The following HIVEP3 variants were observed in gnomAD, a reference collection of about 807,000 sequenced individuals.
HIVEP3 encodes transcription factor HIVEP3.
HIVEP3 carries 49 observed loss-of-function variants against 152.8 expected under a neutral mutation model. The observed-to-expected ratio is 0.32, with a 90% CI of 0.26 to 0.41. HIVEP3 has a LOEUF of 0.41. HIVEP3 is among the 10% of genes least tolerant of loss of function. HIVEP3 has a pLI of 1.00. For synonymous variants in HIVEP3, 1,269 were observed against 1,289.0 expected, an observed-to-expected ratio of 0.98 and a Z score of 0.33; for missense variants, 2,790 against 3,103.3, an observed-to-expected ratio of 0.90 and a Z score of 2.40.
At chr1:41,775,976 C>T (rs1186632179) in intron 1 of HIVEP3, among the ~76,000 whole-genome samples, 1 of 152,230 alleles carries the variant, frequency 6.6e-6, no homozygotes, top group African/African-American at 2.4e-5. Context: ...TGTGCCTCCA[C>T]ATCCATTTTT....
At chr1:41,887,356 A>G (rs556570890) in intron 1 of HIVEP3, among the ~76,000 whole-genome samples, 12 of 152,264 alleles carry the variant, frequency 7.9e-5, no homozygotes, top group Non-Finnish European at 1.3e-4. Context: ...CATGGTACCT[A>G]ATTTTGTATT....
chr1:41,686,490 G>A (rs1043438357), intron 2 of HIVEP3, among the ~76,000 whole-genome samples: 6 of 152,292 alleles, frequency 3.9e-5, no homozygotes, highest in African/African-American at 7.2e-5. Flanking sequence ...CAAAAGCCCC[G>A]TACAGTTGTC....
At chr1:41,740,924 G>T (rs931041332) in intron 1 of HIVEP3, among the ~76,000 whole-genome samples, 1 of 152,162 alleles carries the variant, frequency 6.6e-6, no homozygotes, top group Non-Finnish European at 1.5e-5. Context: ...CAGGGGGTGG[G>T]GGCTCAGTTT....
At chr1:41,634,451 G>A (rs1017420808) in intron 2 of HIVEP3, among the ~76,000 whole-genome samples, 1 of 151,794 alleles carries the variant, frequency 6.6e-6, no homozygotes, top group African/African-American at 2.4e-5. Context: ...AGCCAAGAGT[G>A]GGAAAAGAAA....
chr1:41,511,816 G>T lies in HIVEP3; in HGVS notation c.6406-550C>A, dbSNP rs986834786. On this transcript the variant is annotated intron_variant, in intron 8 of 8. Transcript: ENST00000372583. This position sits in a 1 kb window ranked among gnomAD's most constrained non-coding sequence, Gnocchi z 4.9. ...GGGACAGAGAAGGTGTCGGAAGGGG[G>T]TCAGCTGACAATGATGGTGCTATCG... is the stretch of plus-strand genomic sequence containing the variant. Among the ~76,000 whole-genome samples, 3 of 152,166 alleles carry T rather than the reference G, an allele frequency of 2.0e-5. No homozygotes were observed. Among genetic ancestry groups the T allele is most frequent in the Non-Finnish European group, 2.9e-5 (2 of 68,044 alleles).
At chr1:41,554,004 G>A (rs552609996) in intron 5 of HIVEP3, among the ~76,000 whole-genome samples, 180 of 152,236 alleles carry the variant, frequency 1.2e-3, no homozygotes, top group African/African-American at 4.1e-3. Flanking sequence ...GAGTATCTTT[G>A]TGGTGTTCTC....
chr1:41,537,275 GAT>G (rs564667794), intron 5 of HIVEP3, among the ~76,000 whole-genome samples: 1,616 of 152,270 alleles, frequency 0.011, 8 homozygotes, highest in South Asian at 0.027. Context: ...TCCAAGTCTG[GAT>G]ATTTTAAAGG....
chr1:41,731,316 CT>C (rs1353993603), intron 1 of HIVEP3, among the ~76,000 whole-genome samples: 1 of 152,138 alleles, frequency 6.6e-6, no homozygotes, highest in African/African-American at 2.4e-5. Context: ...GGCAGACCCC[CT>C]GAATCCACCC....
chr1:41,636,443 TG>T (rs1238921901), intron 2 of HIVEP3, among the ~76,000 whole-genome samples: 4 of 152,190 alleles, frequency 2.6e-5, no homozygotes, highest in African/African-American at 9.7e-5. Flanking sequence ...GTGCTCTTAA[TG>T]GAAAAGATTA....
intron 1 of HIVEP3, among the ~76,000 whole-genome samples, chr1:41,888,030 A>G (rs1644373707): frequency 6.7e-6 from 1 of 148,340 alleles, no homozygotes; most frequent in African/African-American, 2.5e-5. Context: ...TGTTAAGCCC[A>G]GCTGAACTTT....
At chr1:41,733,346 C>G (rs539695194) in intron 1 of HIVEP3, among the ~76,000 whole-genome samples, 1 of 152,350 alleles carries the variant, frequency 6.6e-6, no homozygotes, top group African/African-American at 2.4e-5. Context: ...GTGGTAATTA[C>G]TGTGAAAAGC....
chr1:42,004,860 T>A (rs928005653), intron 1 of HIVEP3, among the ~76,000 whole-genome samples: 1 of 152,230 alleles, frequency 6.6e-6, no homozygotes, highest in East Asian at 1.9e-4. Flanking sequence ...CATTGTGATC[T>A]TGATGACTGC....
chr1:41,628,893 C>G lies in HIVEP3; in HGVS notation c.-666G>C. 8.1e-7 allele frequency: 1 copy of G among 1,231,878 alleles called. No homozygotes were observed. Among genetic ancestry groups the G allele is most frequent in the Non-Finnish European group, 1.0e-6 (1 of 987,904 alleles). The allele number at this position is 1,231,878 out of a possible 1,614,324, so 76.3% of individuals were successfully genotyped here. On this transcript the variant is annotated 5_prime_UTR_variant, in exon 3 of 9. Transcript: ENST00000372583. ...AGGGGCGGGCTTGCTTGGCCAGGACCCCGCGAGGCTCCTCCATGAACTAGG... is the reference window on the plus strand; with the variant it reads ...AGGGGCGGGCTTGCTTGGCCAGGACGCCGCGAGGCTCCTCCATGAACTAGG...
intron 1 of HIVEP3, among the ~76,000 whole-genome samples, chr1:41,956,058 C>T (rs16828927): frequency 0.011 from 1,643 of 152,322 alleles, 31 homozygotes; most frequent in African/African-American, 0.038. Flanking sequence ...GGCTGAATTC[C>T]CCAGGGAGTC....
chr1:41,953,771 G>A (rs1427768172), intron 1 of HIVEP3, among the ~76,000 whole-genome samples: 1 of 152,216 alleles, frequency 6.6e-6, no homozygotes, highest in Non-Finnish European at 1.5e-5. Flanking sequence ...GAAGGAAGGA[G>A]ATGCAAGAGA....
intron 2 of HIVEP3, among the ~76,000 whole-genome samples, chr1:41,637,206 C>T (rs11807949): frequency 0.2 from 30,605 of 152,062 alleles, 3,902 homozygotes; most frequent in East Asian, 0.55. Context: ...ATAGGGATGA[C>T]CACTGTAGCA....
intron 7 of HIVEP3, among the ~76,000 whole-genome samples, chr1:41,514,411 G>C (rs1642541916): frequency 6.6e-6 from 1 of 152,228 alleles, no homozygotes; most frequent in Non-Finnish European, 1.5e-5. Flanking sequence ...TGGTCCAGCA[G>C]CACAGAGCCA....
At chr1:41,783,760 G>T (rs1252997147) in intron 1 of HIVEP3, among the ~76,000 whole-genome samples, 1 of 152,212 alleles carries the variant, frequency 6.6e-6, no homozygotes, top group Non-Finnish European at 1.5e-5. Flanking sequence ...ATCACCCAGG[G>T]CCCCTCGAGG....
intron 2 of HIVEP3, among the ~76,000 whole-genome samples, chr1:41,644,723 T>G (rs1217227837): frequency 7.1e-6 from 1 of 140,484 alleles, no homozygotes; most frequent in East Asian, 2.1e-4. Context: ...TTTTTGGATG[T>G]TAACAATTGG....
Sources: allele counts gnomAD v4.1 joint callset (sites outside exome capture counted in the v4.1 genomes callset), GRCh38; gene constraint gnomAD v4.1.1; non-coding constraint Gnocchi (gnomAD v3.1); transcripts MANE v1.5; gene names NCBI Gene and HGNC (gene_info 2026-07-23, HGNC 2026-07-21).